PRTFDC1: variants seen among roughly 807,000 people sequenced by gnomAD.
The protein encoded by PRTFDC1 is phosphoribosyltransferase domain-containing protein 1.
A neutral mutation model predicts 34.6 loss-of-function variants in PRTFDC1; 38 were observed. That is an observed-to-expected ratio of 1.10 (90% CI 0.85 to 1.44). The LOEUF is 1.44. Ranked by LOEUF, PRTFDC1 falls within the 40% of genes most tolerant of loss-of-function variation. The probability of loss-of-function intolerance (pLI) is 0.00; values close to 1 mark genes in which losing one functional copy is unlikely to be tolerated. For missense variants in PRTFDC1, 270 were observed against 283.0 expected, an observed-to-expected ratio of 0.95 and a Z score of 0.33; for synonymous variants, 93 against 98.1, an observed-to-expected ratio of 0.95 and a Z score of 0.31.
intron 4 of PRTFDC1, among the ~76,000 whole-genome samples, chr10:24,863,406 GC>G (rs1847717224): frequency 6.6e-6 from 1 of 152,126 alleles, no homozygotes; most frequent in Non-Finnish European, 1.5e-5. Context: ...GAGACCTACT[GC>G]GCAGAAAACA....
At chr10:24,913,140 T>C (rs1848650768) in intron 3 of PRTFDC1, among the ~76,000 whole-genome samples, 1 of 152,196 alleles carries the variant, frequency 6.6e-6, no homozygotes, top group Admixed American at 6.5e-5. Context: ...AGCCACTTTA[T>C]GGAGAAAACA....
At chr10:24,879,398 C>T (rs1417023418) in intron 3 of PRTFDC1, among the ~76,000 whole-genome samples, 14 of 151,800 alleles carry the variant, frequency 9.2e-5, no homozygotes, top group African/African-American at 3.1e-4. Flanking sequence ...GGCTGCAGTG[C>T]AGTGGTGCGA....
At chr10:24,869,292 G>T (rs1971470) in intron 4 of PRTFDC1, among the ~76,000 whole-genome samples, 62,973 of 151,512 alleles carry the variant, frequency 0.42, 13,767 homozygotes, top group Non-Finnish European at 0.48. Flanking sequence ...AGTCATTGTA[G>T]CAGCCTACTA....
At chr10:24,866,527 G>T (rs1340086126) in intron 4 of PRTFDC1, among the ~76,000 whole-genome samples, 1 of 152,018 alleles carries the variant, frequency 6.6e-6, no homozygotes, top group African/African-American at 2.4e-5. Flanking sequence ...GGTTCCTCGT[G>T]AATATGAATA....
chr10:24,931,903 G>C (rs1338679157), intron 3 of PRTFDC1, among the ~76,000 whole-genome samples: 1 of 123,568 alleles, frequency 8.1e-6, no homozygotes, highest in Admixed American at 8.0e-5. Flanking sequence ...ATCAGAAAAA[G>C]GCACTATAAG....
At chr10:24,874,671 A>C (rs1847931774) in intron 3 of PRTFDC1, among the ~76,000 whole-genome samples, 2 of 152,268 alleles carry the variant, frequency 1.3e-5, no homozygotes, top group Non-Finnish European at 2.9e-5. Flanking sequence ...GTCATAGATT[A>C]TGTTACCAAG....
chr10:24,934,313 CA>C (rs1849017230), intron 3 of PRTFDC1, among the ~76,000 whole-genome samples: 1 of 151,758 alleles, frequency 6.6e-6, no homozygotes, highest in Admixed American at 6.6e-5. Flanking sequence ...TACTGTAAAC[CA>C]AAAATAAAAT....
At chr10:24,897,448 G>A (rs529321127) in intron 3 of PRTFDC1, among the ~76,000 whole-genome samples, 2 of 152,296 alleles carry the variant, frequency 1.3e-5, no homozygotes, top group South Asian at 2.1e-4. Flanking sequence ...GAATTAAGAA[G>A]GTTGTGGTAT....
At chr10:24,951,236 C>T (rs1050913386) in intron 1 of PRTFDC1, among the ~76,000 whole-genome samples, 1 of 152,132 alleles carries the variant, frequency 6.6e-6, no homozygotes, top group Non-Finnish European at 1.5e-5. Flanking sequence ...CCCTTCTCCT[C>T]CAATTACCCT....
At chr10:24,869,519 A>G (rs1847841350) in intron 4 of PRTFDC1, among the ~76,000 whole-genome samples, 1 of 152,170 alleles carries the variant, frequency 6.6e-6, no homozygotes, top group Admixed American at 6.5e-5. Context: ...TGATCCGTTG[A>G]CTCATGCCAG....
chr10:24,916,610 T>A (rs1215612996), intron 3 of PRTFDC1, among the ~76,000 whole-genome samples: 1 of 152,204 alleles, frequency 6.6e-6, no homozygotes, highest in Non-Finnish European at 1.5e-5. Context: ...TGACTTCCCC[T>A]GTCTGCATGG....
intron 4 of PRTFDC1, among the ~76,000 whole-genome samples, chr10:24,870,152 C>T (rs927415848): frequency 7.2e-5 from 11 of 152,148 alleles, no homozygotes; most frequent in Admixed American, 3.9e-4. Flanking sequence ...TTCTGTCGCC[C>T]AGGCTGGAGT....
At chr10:24,901,848 A>G (rs1385912424) in intron 3 of PRTFDC1, among the ~76,000 whole-genome samples, 1 of 152,244 alleles carries the variant, frequency 6.6e-6, no homozygotes, top group Non-Finnish European at 1.5e-5. Context: ...CTCACTCTGC[A>G]TTTGCAGTGA....
At chr10:24,943,838 C>T (rs933653926) in intron 1 of PRTFDC1, among the ~76,000 whole-genome samples, 2 of 152,092 alleles carry the variant, frequency 1.3e-5, no homozygotes, top group Non-Finnish European at 2.9e-5. Flanking sequence ...ACGCATTAGC[C>T]AGCACAACTG....
chr10:24,948,633 C>G (rs894559620), intron 1 of PRTFDC1, among the ~76,000 whole-genome samples: 2 of 152,200 alleles, frequency 1.3e-5, no homozygotes, highest in Admixed American at 6.5e-5. Flanking sequence ...TTTATATCAT[C>G]TGACTCTACA....
chr10:24,881,186 C>A (rs540277306), intron 3 of PRTFDC1, among the ~76,000 whole-genome samples: 1 of 151,794 alleles, frequency 6.6e-6, no homozygotes, highest in African/African-American at 2.4e-5. Flanking sequence ...CCCACTTCAG[C>A]CCCCCAAGTA....
intron 3 of PRTFDC1, among the ~76,000 whole-genome samples, chr10:24,921,714 GA>G (rs56835819): frequency 0.62 from 77,170 of 125,032 alleles, 21,849 homozygotes; most frequent in African/African-American, 0.71. Context: ...TGTTCTCTAG[GA>G]AAAAAAAAAA....
intron 8 of PRTFDC1, 23 bp from the exon 9 acceptor site, chr10:24,849,914 CG>C: frequency 6.2e-7 from 1 of 1,612,560 alleles, no homozygotes; most frequent in Non-Finnish European, 8.5e-7. Context: ...AGGATTTAAA[CG>C]CATCAGTTTC....
At chr10:24,871,967 A>AC (rs1565261310) in intron 4 of PRTFDC1, 31 bp downstream of exon 4, 3 of 1,568,846 alleles carry the variant, frequency 1.9e-6, no homozygotes, top group East Asian at 4.5e-5. Flanking sequence ...CCAGACCTCA[A>AC]TGCGGTCTGA....
Sources: allele counts gnomAD v4.1 joint callset (sites outside exome capture counted in the v4.1 genomes callset), GRCh38; gene constraint gnomAD v4.1.1; transcripts MANE v1.5; gene names NCBI Gene and HGNC (gene_info 2026-07-23, HGNC 2026-07-21).